TBC1D4: variants seen among roughly 807,000 people sequenced by gnomAD.
TBC1D4 encodes TBC1 domain family member 4, also known as TBC (Tre-2, BUB2, CDC16) domain-containing protein.
Under a neutral mutation model 142.5 loss-of-function variants are expected in TBC1D4, and 121 were observed. The observed-to-expected ratio is 0.85, with a 90% CI of 0.73 to 0.99. The LOEUF (loss-of-function observed/expected upper bound fraction) is 0.99, where lower values mean the gene tolerates loss of function less well. Among genes scored for constraint, TBC1D4 ranks in the 50% least tolerant of loss-of-function variants. TBC1D4 has a pLI of 0.00. For synonymous variants in TBC1D4, 630 were observed against 628.2 expected (o/e 1.00, Z -0.04); for missense variants, 1,475 against 1,606.6 (o/e 0.92, Z 1.40).
At chr13:75,329,423 C>T (rs561251750) in intron 8 of TBC1D4, among the ~76,000 whole-genome samples, 13 of 150,602 alleles carry the variant, frequency 8.6e-5, no homozygotes, top group African/African-American at 2.7e-4. Flanking sequence ...CGTCTCCTCT[C>T]CTCTCTCTCT....
chr13:75,412,761 C>T (rs1220854019), intron 1 of TBC1D4, among the ~76,000 whole-genome samples: 2 of 152,190 alleles, frequency 1.3e-5, no homozygotes, highest in Non-Finnish European at 2.9e-5. Context: ...TTTATTTTAA[C>T]ATATAATGGA....
At chr13:75,316,753 G>C (rs997140241) in intron 12 of TBC1D4, among the ~76,000 whole-genome samples, 2 of 152,148 alleles carry the variant, frequency 1.3e-5, no homozygotes, top group Non-Finnish European at 2.9e-5. Flanking sequence ...ACCCAACTTG[G>C]AAACTACACT....
At chr13:75,401,966 AACAC>A (rs1885115203) in intron 1 of TBC1D4, among the ~76,000 whole-genome samples, 1 of 152,226 alleles carries the variant, frequency 6.6e-6, no homozygotes, top group Non-Finnish European at 1.5e-5. Flanking sequence ...TGCTGAAGTG[AACAC>A]TTCAAACACA....
chr13:75,461,861 T>C (rs1887983291), intron 1 of TBC1D4, among the ~76,000 whole-genome samples: 1 of 152,242 alleles, frequency 6.6e-6, no homozygotes. Context: ...TGTCGGAGAA[T>C]ACCGAGTGCC....
Position 75,286,724 on chromosome 13 carries a change from C to G in TBC1D4, c.*68G>C. On this transcript the variant is annotated 3_prime_UTR_variant, in exon 21 of 21. Coordinates refer to ENST00000377636, the MANE Select transcript of TBC1D4 (RefSeq NM_014832.5). Reference sequence around the variant, plus strand: ...GCTTCAGGGTCCAGCCTTGGGCCAGCGACATGCAGGCTCTTCCTCTCTGTA... The same window carrying G: ...GCTTCAGGGTCCAGCCTTGGGCCAGGGACATGCAGGCTCTTCCTCTCTGTA... 1 of 1,501,384 alleles carries G rather than the reference C, an allele frequency of 6.7e-7. No individual in the cohort carries two copies. The allele number at this position is 1,501,384 out of a possible 1,614,324, so 93.0% of individuals were successfully genotyped here.
At chr13:75,296,570 GA>G (rs1875951466) in intron 17 of TBC1D4, among the ~76,000 whole-genome samples, 1 of 152,112 alleles carries the variant, frequency 6.6e-6, no homozygotes, top group African/African-American at 2.4e-5. Context: ...TTCCTTCAAA[GA>G]AAGCTTTAAT....
intron 11 of TBC1D4, among the ~76,000 whole-genome samples, chr13:75,322,719 A>G (rs1878876558): frequency 1.3e-5 from 2 of 152,214 alleles, no homozygotes; most frequent in Admixed American, 1.3e-4. Context: ...AAATGCAAAT[A>G]GGTTGGTTGA....
At chr13:75,385,851 CAAG>C (rs1293405081) in intron 1 of TBC1D4, among the ~76,000 whole-genome samples, 3 of 152,124 alleles carry the variant, frequency 2.0e-5, no homozygotes, top group Non-Finnish European at 4.4e-5. Context: ...TTAACTGGAT[CAAG>C]AAAATGAATA....
intron 1 of TBC1D4, among the ~76,000 whole-genome samples, chr13:75,376,524 T>C (rs1365544947): frequency 6.6e-6 from 1 of 152,078 alleles, no homozygotes; most frequent in Non-Finnish European, 1.5e-5. Context: ...ATTACAGGCA[T>C]GTGCCACCAT....
At chr13:75,302,061 C>T (rs1876620785) in intron 16 of TBC1D4, among the ~76,000 whole-genome samples, 182 bp downstream of exon 16, 1 of 152,076 alleles carries the variant, frequency 6.6e-6, no homozygotes, top group Non-Finnish European at 1.5e-5. Flanking sequence ...AACACGCAGG[C>T]ATTTATGGGA....
intron 5 of TBC1D4, among the ~76,000 whole-genome samples, chr13:75,346,821 T>C (rs1593767077): frequency 6.6e-6 from 1 of 152,188 alleles, no homozygotes; most frequent in African/African-American, 2.4e-5. Context: ...AAATATATGC[T>C]GTATGTTATT....
intron 1 of TBC1D4, among the ~76,000 whole-genome samples, chr13:75,395,977 T>C (rs1160788313): frequency 6.6e-6 from 1 of 152,222 alleles, no homozygotes; most frequent in African/African-American, 2.4e-5. Context: ...ATCAGGTTGG[T>C]TCTGCAACCC....
intron 1 of TBC1D4, among the ~76,000 whole-genome samples, chr13:75,409,789 A>G (rs555664218): frequency 3.9e-5 from 6 of 152,342 alleles, no homozygotes; most frequent in East Asian, 3.8e-4. Context: ...TGTAATTTCA[A>G]TTAATAAATT....
chr13:75,457,407 T>C (rs1365090695), intron 1 of TBC1D4, among the ~76,000 whole-genome samples: 1 of 152,116 alleles, frequency 6.6e-6, no homozygotes, highest in Non-Finnish European at 1.5e-5. Context: ...ACACCTATAG[T>C]GCCCACATGA....
At chr13:75,311,123 G>A (rs940076778) in intron 13 of TBC1D4, among the ~76,000 whole-genome samples, 7 of 152,114 alleles carry the variant, frequency 4.6e-5, no homozygotes, top group African/African-American at 1.2e-4. Context: ...TGCTTATATC[G>A]CAAGAACAAA....
chr13:75,454,535 C>T (rs1429136646), intron 1 of TBC1D4, among the ~76,000 whole-genome samples: 1 of 152,112 alleles, frequency 6.6e-6, no homozygotes, highest in Non-Finnish European at 1.5e-5. Flanking sequence ...AAATTGCTTC[C>T]AACTTTTAAG....
chr13:75,438,909 A>G (rs1417916179), intron 1 of TBC1D4, among the ~76,000 whole-genome samples: 2 of 152,192 alleles, frequency 1.3e-5, no homozygotes, highest in Non-Finnish European at 2.9e-5. Flanking sequence ...TTTTGATATG[A>G]TAGGAGATAA....
chr13:75,304,427 C>A (rs1390807694), intron 15 of TBC1D4, among the ~76,000 whole-genome samples: 1 of 152,134 alleles, frequency 6.6e-6, no homozygotes, highest in African/African-American at 2.4e-5. Flanking sequence ...TCCATTCATT[C>A]ATCTAGTAAT....
chr13:75,460,847 T>A (rs975822089), intron 1 of TBC1D4, among the ~76,000 whole-genome samples: 1 of 152,000 alleles, frequency 6.6e-6, no homozygotes, highest in Admixed American at 6.6e-5. Context: ...CACTTGAGCC[T>A]GGGAGGTCAA....
Sources: allele counts gnomAD v4.1 joint callset (sites outside exome capture counted in the v4.1 genomes callset), GRCh38; gene constraint gnomAD v4.1.1; transcripts MANE v1.5; gene names NCBI Gene and HGNC (gene_info 2026-07-23, HGNC 2026-07-21).